The following CSTPP1 variants were observed in gnomAD, a reference collection of about 807,000 sequenced individuals.
The protein encoded by CSTPP1 is UPF0705 protein C11orf49.
At chr11:47,127,276 T>A in the CSTPP1 span, among the ~76,000 whole-genome samples, 1 of 152,204 alleles carries the variant, frequency 6.6e-6, no homozygotes, top group Non-Finnish European at 1.5e-5. Flanking sequence ...CACAAAATTC[T>A]TATGGGGATC....
At chr11:47,114,074 A>T in the CSTPP1 span, among the ~76,000 whole-genome samples, 54 of 152,330 alleles carry the variant, frequency 3.5e-4, no homozygotes, top group African/African-American at 1.1e-3. Flanking sequence ...ATGGCTAGCC[A>T]GTTTTCCCAG....
chr11:47,007,036 C>T, the CSTPP1 span, among the ~76,000 whole-genome samples: 2 of 117,114 alleles, frequency 1.7e-5, no homozygotes, highest in African/African-American at 3.3e-5. Flanking sequence ...GACAGAGTCT[C>T]ACTCTGTCAC....
At chr11:46,960,117 T>A in the CSTPP1 span, among the ~76,000 whole-genome samples, 1 of 152,218 alleles carries the variant, frequency 6.6e-6, no homozygotes, top group African/African-American at 2.4e-5. Context: ...TCTGCCTAAC[T>A]TGGCTTTCCA....
the CSTPP1 span, among the ~76,000 whole-genome samples, chr11:46,996,455 C>T: frequency 2.0e-5 from 3 of 152,182 alleles, no homozygotes; most frequent in East Asian, 3.9e-4. Context: ...AGGCACGCGC[C>T]ACCATGCCCG....
chr11:47,151,734 A>G, the CSTPP1 span, among the ~76,000 whole-genome samples: 2 of 151,560 alleles, frequency 1.3e-5, no homozygotes, highest in Non-Finnish European at 2.9e-5. Flanking sequence ...GCAGTTGAAA[A>G]AAAACCCTCA....
the CSTPP1 span, chr11:47,164,121 T>A: frequency 6.2e-7 from 1 of 1,613,526 alleles, no homozygotes. Context: ...GCACCGGACC[T>A]CACGGCAGCA....
the CSTPP1 span, among the ~76,000 whole-genome samples, chr11:47,143,222 C>T: frequency 6.6e-6 from 1 of 152,168 alleles, no homozygotes; most frequent in Non-Finnish European, 1.5e-5. Flanking sequence ...GTAAACTATT[C>T]TCATTTTGTC....
the CSTPP1 span, chr11:47,130,730 G>A: frequency 6.6e-6 from 1 of 152,326 alleles, no homozygotes. Context: ...TGGTAACAAA[G>A]CCTTGGTGCC....
chr11:47,085,814 C>G, the CSTPP1 span, among the ~76,000 whole-genome samples: 2 of 151,606 alleles, frequency 1.3e-5, no homozygotes, highest in Non-Finnish European at 1.5e-5. Flanking sequence ...CACTTGAACC[C>G]AGGAAGCAGA....
At chr11:46,983,538 C>T in the CSTPP1 span, among the ~76,000 whole-genome samples, 1 of 152,156 alleles carries the variant, frequency 6.6e-6, no homozygotes, top group Admixed American at 6.5e-5. Context: ...TTTTCCTTTT[C>T]CAAGGGGCAG....
At chr11:47,033,355 T>C in the CSTPP1 span, among the ~76,000 whole-genome samples, 1 of 152,240 alleles carries the variant, frequency 6.6e-6, no homozygotes, top group African/African-American at 2.4e-5. Context: ...AAAGCAGTCT[T>C]GAATAGTTGG....
chr11:47,047,363 A>G, the CSTPP1 span, among the ~76,000 whole-genome samples: 1 of 152,238 alleles, frequency 6.6e-6, no homozygotes, highest in African/African-American at 2.4e-5. Context: ...ACAGTAATTC[A>G]AGTATTATGG....
At chr11:47,110,725 AT>A in the CSTPP1 span, among the ~76,000 whole-genome samples, 1 of 152,080 alleles carries the variant, frequency 6.6e-6, no homozygotes, top group Non-Finnish European at 1.5e-5. Flanking sequence ...CAGCCTGGGT[AT>A]CTTCATCTAG....
At chr11:47,109,346 A>G in the CSTPP1 span, 10 of 152,050 alleles carry the variant, frequency 6.6e-5, no homozygotes, top group African/African-American at 2.4e-4. Context: ...AGCTCACATC[A>G]GTAACTTGGA....
the CSTPP1 span, among the ~76,000 whole-genome samples, chr11:46,966,302 A>G: frequency 1.3e-5 from 2 of 152,092 alleles, no homozygotes; most frequent in East Asian, 3.8e-4. Context: ...CGGCCTCCCA[A>G]AGTGTTGGGA....
the CSTPP1 span, among the ~76,000 whole-genome samples, chr11:47,036,068 A>ATATATT: frequency 1.8e-4 from 2 of 11,336 alleles, no homozygotes; most frequent in African/African-American, 1.4e-3. Context: ...ATATATATAT[A>ATATATT]ATATATAAAT....
chr11:47,036,954 T>C, the CSTPP1 span, among the ~76,000 whole-genome samples: 11 of 127,266 alleles, frequency 8.6e-5, no homozygotes, highest in African/African-American at 2.7e-4. Flanking sequence ...GTGCTGGGAT[T>C]ACAGGAGTGA....
At chr11:47,161,574 A>C in the CSTPP1 span, 1 of 1,614,002 alleles carries the variant, frequency 6.2e-7, no homozygotes, top group Non-Finnish European at 8.5e-7. Flanking sequence ...CCTCTCCATC[A>C]TTCCCGAAAA....
At chr11:47,090,390 A>G in the CSTPP1 span, among the ~76,000 whole-genome samples, 1 of 152,244 alleles carries the variant, frequency 6.6e-6, no homozygotes, top group African/African-American at 2.4e-5. Flanking sequence ...GTTCACTATC[A>G]TCTTTTTTAG....
Sources: allele counts gnomAD v4.1 joint callset (sites outside exome capture counted in the v4.1 genomes callset), GRCh38; gene constraint gnomAD v4.1.1; transcripts MANE v1.5; gene names NCBI Gene and HGNC (gene_info 2026-07-23, HGNC 2026-07-21).